YES1: variants seen among roughly 807,000 people sequenced by gnomAD.
YES1 encodes tyrosine-protein kinase Yes.
A neutral mutation model predicts 70.4 loss-of-function variants in YES1; 39 were observed. The observed-to-expected ratio is 0.55, with a 90% CI of 0.43 to 0.72. The LOEUF (loss-of-function observed/expected upper bound fraction) is 0.72, where lower values mean the gene tolerates loss of function less well. YES1 is among the 30% of genes least tolerant of loss of function. The probability of loss-of-function intolerance (pLI) is 0.00; values close to 1 mark genes in which losing one functional copy is unlikely to be tolerated. For synonymous variants in YES1, 198 were observed against 218.6 expected, an observed-to-expected ratio of 0.91 and a Z score of 0.83; for missense variants, 495 against 644.8, an observed-to-expected ratio of 0.77 and a Z score of 2.52.
intron 11 of YES1, among the ~76,000 whole-genome samples, chr18:726,200 C>A (rs1280657040): frequency 6.6e-6 from 1 of 151,846 alleles, no homozygotes; most frequent in Non-Finnish European, 1.5e-5. Context: ...CCGAGGCAGG[C>A]AGATCACGAG....
Position 764,825 on chromosome 18 carries a change from T to C in YES1, c.-8-7990A>G, listed in dbSNP as rs372131608. On this transcript the variant is annotated intron_variant, in intron 1 of 11. Coordinates refer to ENST00000314574, the MANE Select transcript of YES1 (RefSeq NM_005433.4). Reference sequence around the variant, plus strand: ...TCGACTCACTGTAACCTCCGCCTCCTGGGTTCATGCGATTCTCCTGCCTCA... The same window carrying C: ...TCGACTCACTGTAACCTCCGCCTCCCGGGTTCATGCGATTCTCCTGCCTCA... Among the ~76,000 whole-genome samples the C allele has an allele frequency of 2.9e-3, 437 of 151,986 alleles. 3 individuals carry two copies. Among genetic ancestry groups the C allele is most frequent in the African/African-American group, 0.01 (421 of 41,468 alleles).
chr18:757,642 G>C (rs999533797), intron 1 of YES1, among the ~76,000 whole-genome samples: 1 of 151,846 alleles, frequency 6.6e-6, no homozygotes, highest in African/African-American at 2.4e-5. Flanking sequence ...CCAACACAGT[G>C]AAACTCTTGT....
intron 11 of YES1, among the ~76,000 whole-genome samples, 198 bp downstream of exon 11, chr18:732,636 G>A (rs533697395): frequency 4.4e-4 from 67 of 152,116 alleles, no homozygotes; most frequent in Admixed American, 2.6e-3. Context: ...GTCAAGGATC[G>A]TGGCTTTCAC....
intron 1 of YES1, among the ~76,000 whole-genome samples, chr18:780,813 C>A (rs191962000): frequency 6.6e-6 from 1 of 152,322 alleles, no homozygotes; most frequent in East Asian, 1.9e-4. Flanking sequence ...GCAAAAGCCT[C>A]TTTAACTGAC....
At chr18:767,206 G>C (rs1904952633) in intron 1 of YES1, among the ~76,000 whole-genome samples, 1 of 152,142 alleles carries the variant, frequency 6.6e-6, no homozygotes, top group Admixed American at 6.6e-5. Flanking sequence ...CTGGAGTACA[G>C]TGACATGATA....
At chr18:777,932 C>T (rs1427541406) in intron 1 of YES1, among the ~76,000 whole-genome samples, 2 of 151,922 alleles carry the variant, frequency 1.3e-5, no homozygotes, top group East Asian at 3.9e-4. Context: ...CAATCATTAA[C>T]AGTTAACACA....
intron 4 of YES1, 95 bp downstream of exon 4, chr18:747,825 A>G (rs2305994): frequency 0.11 from 118,220 of 1,109,874 alleles, 7,184 homozygotes; most frequent in East Asian, 0.25. Context: ...AGACTGGTAT[A>G]TAATTCTGTG....
At chr18:762,388 A>G (rs908804267) in intron 1 of YES1, among the ~76,000 whole-genome samples, 2 of 152,222 alleles carry the variant, frequency 1.3e-5, no homozygotes, top group Non-Finnish European at 2.9e-5. Flanking sequence ...GTTGGATATT[A>G]CACTGATTAC....
At chr18:740,150 C>T (rs1471654256) in intron 8 of YES1, among the ~76,000 whole-genome samples, 2 of 152,126 alleles carry the variant, frequency 1.3e-5, no homozygotes, top group Non-Finnish European at 2.9e-5. Flanking sequence ...ATCAAGAATT[C>T]AGACAACTAG....
At chr18:727,029 G>T (rs2080029245) in intron 11 of YES1, among the ~76,000 whole-genome samples, 1 of 152,060 alleles carries the variant, frequency 6.6e-6, no homozygotes, top group African/African-American at 2.4e-5. Context: ...GTCAAAGAAA[G>T]ACAATGAATG....
At chr18:810,908 T>G (rs906327439) in intron 1 of YES1, among the ~76,000 whole-genome samples, 1 of 152,154 alleles carries the variant, frequency 6.6e-6, no homozygotes, top group African/African-American at 2.4e-5. Context: ...CTTTATTACC[T>G]GACCATTCAA....
At chr18:762,104 T>A (rs1458019120) in intron 1 of YES1, among the ~76,000 whole-genome samples, 1 of 152,184 alleles carries the variant, frequency 6.6e-6, no homozygotes, top group Admixed American at 6.5e-5. Context: ...GCGGATCACC[T>A]GAGATTGGGA....
chr18:737,683 T>C (rs2080169060), intron 9 of YES1, among the ~76,000 whole-genome samples: 2 of 152,246 alleles, frequency 1.3e-5, no homozygotes, highest in Non-Finnish European at 2.9e-5. Context: ...GCCTGCAGCC[T>C]GTTTTTGCAC....
At chr18:739,833 T>A (rs1246493126) in intron 8 of YES1, 22 bp from the exon 9 acceptor site, 1 of 1,581,786 alleles carries the variant, frequency 6.3e-7, no homozygotes, top group African/African-American at 1.4e-5. Context: ...AGCAAGATAT[T>A]CATAAAAAAT....
Position 753,776 on chromosome 18 carries a change from C to G in YES1, c.272-1972G>C, listed in dbSNP as rs556082240. Reference sequence around the variant, plus strand: ...GCTAGAATTAAAGGTGTGAGCCACCCTGCCCGGCTGACATCTTTACTTGAA... The same window carrying G: ...GCTAGAATTAAAGGTGTGAGCCACCGTGCCCGGCTGACATCTTTACTTGAA... On this transcript the variant is annotated intron_variant, in intron 2 of 11. Transcript: ENST00000314574. Among the ~76,000 whole-genome samples the G allele has an allele frequency of 1.2e-4, 18 of 152,186 alleles. 1 individual carries two copies. The highest frequency in any genetic ancestry group is 1.0e-3 in the South Asian group (5 of 4,820).
At chr18:802,342 TG>T (rs1439245032) in intron 1 of YES1, among the ~76,000 whole-genome samples, 2 of 151,956 alleles carry the variant, frequency 1.3e-5, no homozygotes, top group Admixed American at 6.5e-5. Context: ...CCAAGGCAGG[TG>T]GATCACCTGA....
intron 1 of YES1, among the ~76,000 whole-genome samples, chr18:757,428 G>A (rs950280456): frequency 4.7e-5 from 7 of 150,488 alleles, no homozygotes; most frequent in East Asian, 2.0e-4. Flanking sequence ...GCGTGAACCC[G>A]GGAGGCGGAG....
intron 1 of YES1, among the ~76,000 whole-genome samples, chr18:757,499 T>A (rs1350517585): frequency 1.6e-5 from 2 of 127,578 alleles, no homozygotes; most frequent in African/African-American, 6.3e-5. Flanking sequence ...CGAGACTCCG[T>A]CTCAAAAAAA....
chr18:763,205 A>T (rs1904683647), intron 1 of YES1, among the ~76,000 whole-genome samples: 1 of 152,262 alleles, frequency 6.6e-6, no homozygotes, highest in Non-Finnish European at 1.5e-5. Flanking sequence ...TTAATATAGA[A>T]GATTATTTGT....
Sources: allele counts gnomAD v4.1 joint callset (sites outside exome capture counted in the v4.1 genomes callset), GRCh38; gene constraint gnomAD v4.1.1; transcripts MANE v1.5; gene names NCBI Gene and HGNC (gene_info 2026-07-23, HGNC 2026-07-21).